The following RPS6KC1 variants were observed in gnomAD, a reference collection of about 807,000 sequenced individuals.
The protein encoded by RPS6KC1 is inactive ribosomal protein S6 kinase delta-1.
A neutral mutation model predicts 103.8 loss-of-function variants in RPS6KC1; 54 were observed. The ratio of observed to expected loss-of-function variants is 0.52; its 90% CI spans 0.42 to 0.65. RPS6KC1 has a LOEUF of 0.65. Ranked by LOEUF, RPS6KC1 falls within the 30% of genes least tolerant of loss-of-function variation. RPS6KC1 has a pLI of 0.00. For missense variants in RPS6KC1, 1,151 were observed against 1,253.8 expected (o/e 0.92, Z 1.24); for synonymous variants, 439 against 438.7 (o/e 1.00, Z -0.01).
the RPS6KC1 span, among the ~76,000 whole-genome samples, chr1:213,667,571 G>C: frequency 6.6e-6 from 1 of 152,222 alleles, no homozygotes; most frequent in Non-Finnish European, 1.5e-5. Flanking sequence ...GATGGTTGTT[G>C]ACTAATCAGG....
chr1:213,438,713 C>T, the RPS6KC1 span, among the ~76,000 whole-genome samples: 4 of 152,002 alleles, frequency 2.6e-5, no homozygotes, highest in Non-Finnish European at 5.9e-5. Flanking sequence ...TAGGATTCAG[C>T]AAATACTTCA....
the RPS6KC1 span, among the ~76,000 whole-genome samples, chr1:213,331,307 A>G: frequency 7.2e-5 from 11 of 152,344 alleles, no homozygotes; most frequent in East Asian, 1.9e-3. Flanking sequence ...CACTCTGTGC[A>G]GGAGGGGTCT....
chr1:213,114,933 T>C (rs1003359393), intron 4 of RPS6KC1, among the ~76,000 whole-genome samples: 8 of 152,210 alleles, frequency 5.3e-5, no homozygotes, highest in Non-Finnish European at 1.0e-4. Context: ...AGCTTTTTGA[T>C]GTGCTGCTGG....
At chr1:213,612,409 G>T in the RPS6KC1 span, among the ~76,000 whole-genome samples, 1 of 152,174 alleles carries the variant, frequency 6.6e-6, no homozygotes, top group African/African-American at 2.4e-5. Flanking sequence ...CATATGACAT[G>T]GGGTAAGAGC....
intron 1 of RPS6KC1, 39 bp downstream of exon 1, chr1:213,051,548 G>A (rs374143562): frequency 3.4e-5 from 50 of 1,450,454 alleles, no homozygotes; most frequent in Non-Finnish European, 4.6e-5. Flanking sequence ...GCTTGGATTG[G>A]GACCTGAGGA....
intron 8 of RPS6KC1, among the ~76,000 whole-genome samples, chr1:213,218,250 T>C (rs996949623): frequency 6.6e-6 from 1 of 152,084 alleles, no homozygotes; most frequent in African/African-American, 2.4e-5. Context: ...AGCCAAATCA[T>C]GAGTGAACTC....
At chr1:213,752,973 C>T in the RPS6KC1 span, among the ~76,000 whole-genome samples, 1 of 152,170 alleles carries the variant, frequency 6.6e-6, no homozygotes, top group Non-Finnish European at 1.5e-5. Context: ...TTCAAAAACT[C>T]CTAAAGCCTG....
At chr1:213,179,592 T>TG (rs1434145741) in intron 8 of RPS6KC1, among the ~76,000 whole-genome samples, 1 of 152,230 alleles carries the variant, frequency 6.6e-6, no homozygotes, top group African/African-American at 2.4e-5. Context: ...CAGGATATAT[T>TG]GATCTAGTCC....
At chr1:213,207,086 G>A (rs777307653) in intron 8 of RPS6KC1, among the ~76,000 whole-genome samples, 2 of 152,148 alleles carry the variant, frequency 1.3e-5, no homozygotes, top group Non-Finnish European at 2.9e-5. Context: ...TCCAGCCTGG[G>A]CATCAGAGTG....
chr1:213,268,134 T>C (rs2094954252), intron 14 of RPS6KC1, among the ~76,000 whole-genome samples: 1 of 151,980 alleles, frequency 6.6e-6, no homozygotes, highest in African/African-American at 2.4e-5. Flanking sequence ...TTTAGACATA[T>C]CCACACTTAA....
chr1:213,388,609 G>A, the RPS6KC1 span, among the ~76,000 whole-genome samples: 2 of 152,160 alleles, frequency 1.3e-5, no homozygotes. Flanking sequence ...CTCTTTTCAG[G>A]GCAGCCCCAT....
chr1:213,572,822 C>T, the RPS6KC1 span, among the ~76,000 whole-genome samples: 18 of 152,092 alleles, frequency 1.2e-4, no homozygotes, highest in African/African-American at 3.9e-4. Context: ...AGTGAGTGGC[C>T]GCACTAGGAA....
chr1:213,222,145 G>T (rs938434910), intron 8 of RPS6KC1, among the ~76,000 whole-genome samples: 3 of 152,176 alleles, frequency 2.0e-5, no homozygotes, highest in East Asian at 3.8e-4. Flanking sequence ...ACTGAGCAGT[G>T]GGTACAGGGA....
At chr1:213,392,914 GGGCTAGCT>G in the RPS6KC1 span, among the ~76,000 whole-genome samples, 1 of 152,192 alleles carries the variant, frequency 6.6e-6, no homozygotes, top group African/African-American at 2.4e-5. Flanking sequence ...GTGTATGAGA[GGGCTAGCT>G]GGCTCTTTCT....
the RPS6KC1 span, among the ~76,000 whole-genome samples, chr1:213,718,177 C>T: frequency 6.6e-6 from 1 of 152,224 alleles, no homozygotes; most frequent in Non-Finnish European, 1.5e-5. Context: ...ATTTAACACA[C>T]ACTTTAGACT....
the RPS6KC1 span, among the ~76,000 whole-genome samples, chr1:213,398,467 G>A: frequency 6.6e-6 from 1 of 152,046 alleles, no homozygotes; most frequent in Non-Finnish European, 1.5e-5. Context: ...TCTCATGGTG[G>A]TGAGGACAGG....
chr1:213,850,544 C>T, the RPS6KC1 span, among the ~76,000 whole-genome samples: 31 of 152,188 alleles, frequency 2.0e-4, no homozygotes, highest in Admixed American at 5.2e-4. Context: ...TTGCTCTTTC[C>T]GATGAGCTAC....
the RPS6KC1 span, among the ~76,000 whole-genome samples, chr1:213,385,974 T>C: frequency 6.6e-6 from 1 of 152,174 alleles, no homozygotes; most frequent in Non-Finnish European, 1.5e-5. Context: ...CTCAGTGCTG[T>C]AGTTTGAATG....
chr1:213,305,387 GCA>G, the RPS6KC1 span, among the ~76,000 whole-genome samples: 2 of 152,192 alleles, frequency 1.3e-5, no homozygotes, highest in African/African-American at 2.4e-5. Flanking sequence ...CTGGCCACAT[GCA>G]CAGTCTTTAT....
Sources: gnomAD v4.1 joint callset for allele counts (sites outside exome capture counted in the v4.1 genomes callset) on GRCh38, gnomAD v4.1.1 for gene constraint, MANE v1.5 for transcripts, NCBI Gene and HGNC (gene_info 2026-07-23, HGNC 2026-07-21) for gene names.